The following FMN2 variants were observed in gnomAD, a reference collection of about 807,000 sequenced individuals.
The protein encoded by FMN2 is formin 2.
A neutral mutation model predicts 142.3 loss-of-function variants in FMN2; 51 were observed. The ratio of observed to expected loss-of-function variants is 0.36; its 90% CI spans 0.29 to 0.45. The LOEUF (loss-of-function observed/expected upper bound fraction) is 0.45, where lower values mean the gene tolerates loss of function less well. Among genes scored for constraint, FMN2 ranks in the 20% least tolerant of loss-of-function variants. The pLI is 1.00. For synonymous variants in FMN2, 882 were observed against 869.8 expected, an observed-to-expected ratio of 1.01 and a Z score of -0.25; for missense variants, 1,936 against 2,122.8, an observed-to-expected ratio of 0.91 and a Z score of 1.73.
intron 6 of FMN2, among the ~76,000 whole-genome samples, chr1:240,239,512 GA>G (rs1667820140): frequency 6.6e-6 from 1 of 152,186 alleles, no homozygotes; most frequent in Non-Finnish European, 1.5e-5. Context: ...GGTCTTTGAA[GA>G]ATCAGCCACT....
At chr1:240,426,857 G>GC (rs904616451) in intron 15 of FMN2, among the ~76,000 whole-genome samples, 2 of 151,854 alleles carry the variant, frequency 1.3e-5, no homozygotes, top group African/African-American at 2.4e-5. Flanking sequence ...TCCTGCCTCA[G>GC]CCTCCCAGGT....
At chr1:240,292,201 C>T (rs987854639) in intron 7 of FMN2, among the ~76,000 whole-genome samples, 12 of 151,962 alleles carry the variant, frequency 7.9e-5, no homozygotes, top group African/African-American at 1.2e-4. Context: ...TTCTTTCCTC[C>T]GAAACAAGGC....
At chr1:240,459,716 CTAAAAAAAAAAAAAAAAAA>C (rs1412704478) in intron 16 of FMN2, among the ~76,000 whole-genome samples, 2 of 32,828 alleles carry the variant, frequency 6.1e-5, no homozygotes, top group African/African-American at 2.8e-4. Context: ...GACTCTGTCT[CTAAAAAAAAAAAAAAAAAA>C]AAAAAAAAAA....
In FMN2 at chr1:240,093,176, A is replaced by T; in HGVS notation, c.1067A>T (p.Asp356Val). 6.9e-7 allele frequency: 1 copy of T among 1,450,542 alleles called. No individual in the cohort carries two copies. Among genetic ancestry groups the T allele is most frequent in the Non-Finnish European group, 9.0e-7 (1 of 1,105,460 alleles). The allele number at this position is 1,450,542 out of a possible 1,614,324, so 89.9% of individuals were successfully genotyped here. Residue 356 changes from aspartate (D) to valine (V), a missense_variant, in exon 1 of 18, where the codon GAT becomes GTT. By Grantham distance (152) the Asp-to-Val change is radical (BLOSUM62 -3). Coordinates refer to ENST00000319653, the MANE Select transcript of FMN2 (RefSeq NM_020066.5). ...GAGGGTGAGGAGGATGCTTTTGAGGATGCGCCCCGGGGCTCTCCGGGGGAG... is the reference window on the plus strand; with the variant it reads ...GAGGGTGAGGAGGATGCTTTTGAGGTTGCGCCCCGGGGCTCTCCGGGGGAG... ...DEEGEEDAFE[D>V]APRGSPGEEW...
At chr1:240,256,289 A>C (rs1668447175) in intron 6 of FMN2, among the ~76,000 whole-genome samples, 1 of 152,146 alleles carries the variant, frequency 6.6e-6, no homozygotes, top group African/African-American at 2.4e-5. Context: ...TGCTGTACTA[A>C]TAGGCCCATA....
chr1:240,148,375 GAGAGAGAAAGAC>G (rs200527595), intron 2 of FMN2, among the ~76,000 whole-genome samples: 53 of 145,210 alleles, frequency 3.6e-4, no homozygotes, highest in East Asian at 9.9e-4. Context: ...GACAGAGAGA[GAGAGAGAAAGAC>G]AGAGAGAAAG....
At chr1:240,435,526 G>A (rs988585656) in intron 15 of FMN2, among the ~76,000 whole-genome samples, 1 of 151,662 alleles carries the variant, frequency 6.6e-6, no homozygotes, top group Non-Finnish European at 1.5e-5. Context: ...AAAATATATA[G>A]CATATGTAAT....
rs1199996360 is a variant in FMN2, at chr1:240,456,487, G to A, written c.5061-15885G>A. Among the ~76,000 whole-genome samples, 5 of 152,088 alleles carry A rather than the reference G, an allele frequency of 3.3e-5. No homozygotes were observed. The South Asian group carries it at 6.2e-4, about 19-fold the overall frequency. On this transcript the variant is annotated intron_variant, in intron 16 of 17. Transcript: ENST00000319653. The stretch of plus-strand genomic sequence containing the variant: ...TTATTTTTATTTGAGACGGAGTTTC[G>A]CTCTTGTTGCCCAGGCTGGAGCGCA...
At chr1:240,310,192 A>G (rs1670553794) in intron 8 of FMN2, among the ~76,000 whole-genome samples, 1 of 152,208 alleles carries the variant, frequency 6.6e-6, no homozygotes, top group Non-Finnish European at 1.5e-5. Flanking sequence ...TAATAATCTT[A>G]TTTGGCATTC....
chr1:240,440,695 C>T (rs190311660), intron 16 of FMN2, among the ~76,000 whole-genome samples: 4 of 152,168 alleles, frequency 2.6e-5, no homozygotes, highest in African/African-American at 7.2e-5. Context: ...CAGATGAGAA[C>T]GCTGCTTTGC....
At chr1:240,464,812 C>G (rs1485701984) in intron 16 of FMN2, among the ~76,000 whole-genome samples, 2 of 152,138 alleles carry the variant, frequency 1.3e-5, no homozygotes, top group Non-Finnish European at 2.9e-5. Flanking sequence ...CTGACACTTG[C>G]ATGAAGCAGC....
At chr1:240,143,959 G>A in intron 2 of FMN2, 3 of 1,436,550 alleles carry the variant, frequency 2.1e-6, no homozygotes, top group Non-Finnish European at 2.0e-6. Flanking sequence ...TGGTGTTGCT[G>A]TTGTGGAGAA....
At chr1:240,366,573 C>T (rs1214694582) in intron 14 of FMN2, among the ~76,000 whole-genome samples, 1 of 145,710 alleles carries the variant, frequency 6.9e-6, no homozygotes, top group Non-Finnish European at 1.5e-5. Context: ...GAGTTTCGCT[C>T]TTGTTGCCCA....
intron 13 of FMN2, among the ~76,000 whole-genome samples, chr1:240,341,687 A>G (rs1207975562): frequency 6.6e-6 from 1 of 152,034 alleles, no homozygotes. Flanking sequence ...CCCCAAAATC[A>G]TTCACTGTCT....
intron 7 of FMN2, among the ~76,000 whole-genome samples, chr1:240,274,941 T>G (rs934919714): frequency 3.3e-5 from 5 of 152,086 alleles, no homozygotes; most frequent in African/African-American, 9.7e-5. Flanking sequence ...AGACTTTGTT[T>G]GCTTGAGAGA....
At chr1:240,330,850 C>G (rs1671350889) in intron 11 of FMN2, 101 bp downstream of exon 11, 1 of 1,394,766 alleles carries the variant, frequency 7.2e-7, no homozygotes, top group Non-Finnish European at 9.6e-7. Context: ...ATTTATGTTC[C>G]TAGGTCAAAT....
At chr1:240,392,975 T>G (rs1314041833) in intron 15 of FMN2, among the ~76,000 whole-genome samples, 1 of 120,224 alleles carries the variant, frequency 8.3e-6, no homozygotes, top group Non-Finnish European at 1.7e-5. Flanking sequence ...AGACTTGCAA[T>G]TATGGGTAAA....
In FMN2 at chr1:240,092,077, C is replaced by A. The variant is rs371374779; in HGVS notation, c.-33C>A. On this transcript the variant is annotated 5_prime_UTR_variant, in exon 1 of 18. Coordinates refer to ENST00000319653, the MANE Select transcript of FMN2 (RefSeq NM_020066.5). Reference sequence around the variant, plus strand: ...GGAGGGCCGGGATGGCCTGAGTGCCCGCGGCGCGGCGGCGCAGCAGCGGGA... The same window carrying A: ...GGAGGGCCGGGATGGCCTGAGTGCCAGCGGCGCGGCGGCGCAGCAGCGGGA... 7.7e-5 allele frequency: 118 copies of A among 1,528,402 alleles called. No homozygotes were observed. The highest frequency in any genetic ancestry group is 9.8e-5 in the Non-Finnish European group (112 of 1,139,560). 94.7% of individuals were successfully genotyped at this position (1,528,402 alleles called of 1,614,324 possible).
intron 6 of FMN2, among the ~76,000 whole-genome samples, chr1:240,256,800 T>C (rs1401286482): frequency 6.6e-6 from 1 of 152,114 alleles, no homozygotes; most frequent in African/African-American, 2.4e-5. Flanking sequence ...GTGGTTTTCG[T>C]GGTTGGTCCT....
Sources: gnomAD v4.1 joint callset for allele counts (sites outside exome capture counted in the v4.1 genomes callset) on GRCh38, gnomAD v4.1.1 for gene constraint, MANE v1.5 for transcripts, NCBI Gene and HGNC (gene_info 2026-07-23, HGNC 2026-07-21) for gene names.